MSRA: variants seen among roughly 807,000 people sequenced by gnomAD.
MSRA encodes the protein methionine sulfoxide reductase A, also known as mitochondrial peptide methionine sulfoxide reductase.
Under a neutral mutation model 31.3 loss-of-function variants are expected in MSRA, and 54 were observed. The observed-to-expected ratio is 1.73, with a 90% CI of 1.39 to 2.17. The LOEUF (loss-of-function observed/expected upper bound fraction) is 2.17, where lower values mean the gene tolerates loss of function less well. Ranked by LOEUF, MSRA falls within the 30% of genes most tolerant of loss-of-function variation. The probability of loss-of-function intolerance (pLI) is 0.00; values close to 1 mark genes in which losing one functional copy is unlikely to be tolerated. For missense variants in MSRA, 507 were observed against 300.9 expected, an observed-to-expected ratio of 1.69 and a Z score of -5.07; for synonymous variants, 169 against 116.5, an observed-to-expected ratio of 1.45 and a Z score of -2.90.
rs1004127427 is a variant in MSRA, at chr8:10,407,488, A to G, written c.544-20660A>G. 3.9e-5 allele frequency among the ~76,000 whole-genome samples: 6 copies of G among 152,198 alleles called. No individual in the cohort carries two copies. The East Asian group carries it at 9.6e-4, about 24-fold the overall frequency. Reference sequence around the variant, plus strand: ...CTTTGCTTTACAATTAGGACTTGCTATGGACATTGGATGGGGAGAGTTGAT... The same window carrying G: ...CTTTGCTTTACAATTAGGACTTGCTGTGGACATTGGATGGGGAGAGTTGAT... On this transcript the variant is annotated intron_variant, in intron 5 of 5. Coordinates refer to ENST00000317173, the MANE Select transcript of MSRA (RefSeq NM_012331.5).
intron 2 of MSRA, among the ~76,000 whole-genome samples, chr8:10,234,346 G>T (rs192229194): frequency 9.6e-4 from 146 of 152,232 alleles, no homozygotes; most frequent in African/African-American, 3.2e-3. Flanking sequence ...GTTCAGTGTG[G>T]CGGGTTTTGA....
intron 2 of MSRA, among the ~76,000 whole-genome samples, chr8:10,244,126 G>A (rs925367631): frequency 1.3e-5 from 2 of 152,114 alleles, no homozygotes; most frequent in African/African-American, 4.8e-5. Flanking sequence ...GGTGTATAGT[G>A]TATATTAATT....
At chr8:10,162,882 G>A (rs76379090) in intron 1 of MSRA, among the ~76,000 whole-genome samples, 3,284 of 152,278 alleles carry the variant, frequency 0.022, 107 homozygotes, top group African/African-American at 0.074. Context: ...CACGACAGTC[G>A]TGTGTAAAGG....
In MSRA at chr8:10,187,172, C is replaced by A. The variant is rs1240857389; in HGVS notation, c.143-20661C>A. Among the ~76,000 whole-genome samples, 7 of 152,296 alleles carry A rather than the reference C, an allele frequency of 4.6e-5. No individual in the cohort carries two copies. In the South Asian group the frequency reaches 1.5e-3, roughly 32 times the overall value. On this transcript the variant is annotated intron_variant, in intron 1 of 5. Coordinates refer to ENST00000317173, the MANE Select transcript of MSRA (RefSeq NM_012331.5). ...GTGAGAACTTCGGGAAATGGTACGA[C>A]CAGCCGCTGATTGAGCCCCCTTTGA...
chr8:10,236,084 G>C (rs1043741815), intron 2 of MSRA, among the ~76,000 whole-genome samples: 1 of 152,102 alleles, frequency 6.6e-6, no homozygotes, highest in Non-Finnish European at 1.5e-5. Flanking sequence ...ACTCATGCAT[G>C]ATAAAAAGCT....
At chr8:10,202,307 G>A (rs1808569322) in intron 1 of MSRA, among the ~76,000 whole-genome samples, 1 of 152,200 alleles carries the variant, frequency 6.6e-6, no homozygotes, top group Non-Finnish European at 1.5e-5. Flanking sequence ...TAGAGCTGGG[G>A]TCATTTCTTG....
intron 1 of MSRA, among the ~76,000 whole-genome samples, chr8:10,164,894 C>T (rs143688690): frequency 1.5e-3 from 234 of 152,124 alleles, no homozygotes; most frequent in Non-Finnish European, 1.8e-3. Flanking sequence ...CTGGTGTTGT[C>T]GCAGACGCCT....
intron 5 of MSRA, among the ~76,000 whole-genome samples, chr8:10,409,699 G>A (rs1324672822): frequency 1.3e-5 from 2 of 152,200 alleles, no homozygotes; most frequent in Non-Finnish European, 2.9e-5. Context: ...CAACATGCAC[G>A]TGCTTGTCCT....
intron 4 of MSRA, among the ~76,000 whole-genome samples, chr8:10,311,624 A>C (rs1340112608): frequency 6.6e-6 from 1 of 152,156 alleles, no homozygotes; most frequent in Admixed American, 6.5e-5. Flanking sequence ...AAAATTTAAA[A>C]ATTTCTGGCC....
intron 1 of MSRA, among the ~76,000 whole-genome samples, chr8:10,134,124 G>A (rs577105531): frequency 1.3e-5 from 2 of 152,248 alleles, no homozygotes; most frequent in African/African-American, 2.4e-5. Context: ...GAGCCACTGT[G>A]CCCGGCCTGG....
intron 5 of MSRA, among the ~76,000 whole-genome samples, chr8:10,409,590 G>C (rs975431098): frequency 2.0e-5 from 3 of 152,210 alleles, no homozygotes; most frequent in African/African-American, 7.2e-5. Flanking sequence ...GAGAGGACGT[G>C]ATGAGGATAA....
chr8:10,134,328 G>A (rs1349570869), intron 1 of MSRA, among the ~76,000 whole-genome samples: 1 of 152,198 alleles, frequency 6.6e-6, no homozygotes, highest in Non-Finnish European at 1.5e-5. Context: ...GGTGTTTACC[G>A]TTTGGAAACA....
At chr8:10,218,114 CTATTTATTTATTTATT>C (rs371596796) in intron 2 of MSRA, among the ~76,000 whole-genome samples, 2,271 of 138,782 alleles carry the variant, frequency 0.016, 57 homozygotes, top group African/African-American at 0.056. Flanking sequence ...GGTTCCTTTT[CTATTTATTTATTTATT>C]TATTTATTTA....
chr8:10,068,802 A>C (rs1797589313), intron 1 of MSRA, among the ~76,000 whole-genome samples: 2 of 152,148 alleles, frequency 1.3e-5, no homozygotes, highest in African/African-American at 2.4e-5. Context: ...TCAGTTTGTT[A>C]ATATTCACAA....
chr8:10,340,914 T>C (rs1181064091), intron 5 of MSRA, among the ~76,000 whole-genome samples: 1 of 152,164 alleles, frequency 6.6e-6, no homozygotes, highest in Non-Finnish European at 1.5e-5. Context: ...AAATGGTATT[T>C]CTTTGAGAAA....
chr8:10,142,158 A>G (rs575104800), intron 1 of MSRA, among the ~76,000 whole-genome samples: 2 of 152,190 alleles, frequency 1.3e-5, no homozygotes, highest in African/African-American at 4.8e-5. Context: ...GGGTTTCTCC[A>G]TGTTGGTCAG....
chr8:10,091,089 T>G (rs75107534), intron 1 of MSRA, among the ~76,000 whole-genome samples: 2,029 of 152,270 alleles, frequency 0.013, 49 homozygotes, highest in African/African-American at 0.045. Context: ...ATTGATTGAG[T>G]TTTATATGTT....
chr8:10,265,406 C>G (rs1426212833), intron 3 of MSRA, among the ~76,000 whole-genome samples: 3 of 152,116 alleles, frequency 2.0e-5, no homozygotes, highest in Admixed American at 6.5e-5. Context: ...GTGGTGGCTG[C>G]TGGAAATAGT....
chr8:10,061,628 T>C (rs1254172215), intron 1 of MSRA, among the ~76,000 whole-genome samples: 1 of 151,664 alleles, frequency 6.6e-6, no homozygotes, highest in African/African-American at 2.4e-5. Flanking sequence ...GTGCAGTCAA[T>C]AGTGTTTTAT....
Sources: gnomAD v4.1 joint callset for allele counts (sites outside exome capture counted in the v4.1 genomes callset) on GRCh38, gnomAD v4.1.1 for gene constraint, MANE v1.5 for transcripts, NCBI Gene and HGNC (gene_info 2026-07-23, HGNC 2026-07-21) for gene names.